The following PLCG2 variants were observed in gnomAD, a reference collection of about 807,000 sequenced individuals.
PLCG2 encodes 1-phosphatidylinositol 4,5-bisphosphate phosphodiesterase gamma-2.
Under a neutral mutation model 175.6 loss-of-function variants are expected in PLCG2, and 69 were observed. The observed-to-expected ratio is 0.39, with a 90% CI of 0.32 to 0.48. PLCG2 has a LOEUF of 0.48. Among genes scored for constraint, PLCG2 ranks in the 20% least tolerant of loss-of-function variants. PLCG2 has a pLI of 0.91. For missense variants in PLCG2, 1,798 were observed against 1,650.9 expected (o/e 1.09, Z -1.54); for synonymous variants, 827 against 624.0 (o/e 1.33, Z -4.85).
intron 10 of PLCG2, 62 bp downstream of exon 10, chr16:81,889,335 G>C: frequency 1.1e-6 from 1 of 883,356 alleles, no homozygotes; most frequent in Non-Finnish European, 1.9e-6. Context: ...TGTGCTTTCT[G>C]AGGTTTATTT....
chr16:81,778,044 A>AAACCAAC (rs1567457783), upstream of PLCG2, among the ~76,000 whole-genome samples: 1 of 83,782 alleles, frequency 1.2e-5, no homozygotes, highest in African/African-American at 5.6e-5. Flanking sequence ...AAAAAAAAAC[A>AAACCAAC]AAAAAAAAAA....
At chr16:81,833,980 C>A (rs1285668547) in intron 2 of PLCG2, among the ~76,000 whole-genome samples, 1 of 152,146 alleles carries the variant, frequency 6.6e-6, no homozygotes, top group East Asian at 1.9e-4. Flanking sequence ...CAGGTTCACC[C>A]CAAGGTTTTC....
chr16:81,958,962 C>T lies in PLCG2; in HGVS notation c.*964C>T, dbSNP rs1160334098. ...TAATGGGCTAAGCATTAGGGTGTTACAGAAAATTTCAAATGCAGCCATCTC... is the reference window on the plus strand; with the variant it reads ...TAATGGGCTAAGCATTAGGGTGTTATAGAAAATTTCAAATGCAGCCATCTC... On this transcript the variant is annotated 3_prime_UTR_variant, in exon 33 of 33. Coordinates refer to ENST00000564138, the MANE Select transcript of PLCG2 (RefSeq NM_002661.5). The T allele has an allele frequency of 4.5e-6, 1 of 223,178 alleles. No homozygotes were observed. The highest frequency in any genetic ancestry group is 5.7e-5 in the Admixed American group (1 of 17,426). The allele number at this position is 223,178 out of a possible 1,614,324, so 13.8% of individuals were successfully genotyped here.
intron 14 of PLCG2, among the ~76,000 whole-genome samples, chr16:81,904,824 G>C (rs1317281875): frequency 6.6e-6 from 1 of 152,226 alleles, no homozygotes. Context: ...AGACAAGTGA[G>C]AGGAATAAAG....
chr16:81,851,574 G>A (rs974484200), intron 2 of PLCG2, among the ~76,000 whole-genome samples: 12 of 152,092 alleles, frequency 7.9e-5, no homozygotes, highest in African/African-American at 2.9e-4. Context: ...GTGCAGTGGC[G>A]TGGTCTCGGC....
chr16:81,936,439 C>G, intron 27 of PLCG2, 61 bp downstream of exon 27: 2 of 1,375,048 alleles, frequency 1.5e-6, no homozygotes, highest in Admixed American at 3.4e-5. Flanking sequence ...CACTCCAGGC[C>G]GAGTCACCTT....
At chr16:81,882,468 G>A (rs982765535) in intron 8 of PLCG2, among the ~76,000 whole-genome samples, 2 of 152,106 alleles carry the variant, frequency 1.3e-5, no homozygotes. Flanking sequence ...TGGCTTCTGA[G>A]GAGGCCCTTG....
intron 7 of PLCG2, among the ~76,000 whole-genome samples, chr16:81,878,052 G>A (rs1296459515): frequency 7.4e-6 from 1 of 135,926 alleles, no homozygotes; most frequent in South Asian, 2.3e-4. Flanking sequence ...CGCCATCTCG[G>A]CTCACTGCAA....
chr16:81,781,491 A>G (rs1179044040), intron 1 of PLCG2, among the ~76,000 whole-genome samples: 20 of 151,654 alleles, frequency 1.3e-4, no homozygotes, highest in Admixed American at 1.2e-3. Context: ...ATCTTTGTGC[A>G]TGTCTTTCTT....
At chr16:81,942,384 G>A (rs1426246842) in intron 30 of PLCG2, among the ~76,000 whole-genome samples, 5 of 152,172 alleles carry the variant, frequency 3.3e-5, no homozygotes, top group Non-Finnish European at 5.9e-5. Context: ...CTCCTCCCCC[G>A]ACTGTGAGAT....
rs1308778556 is a variant in PLCG2 at position 81,908,637 on chromosome 16, A to T, written c.1733+46A>T. The T allele has an allele frequency of 3.3e-6, 5 of 1,523,682 alleles. No individual in the cohort carries two copies. The Admixed American group carries it at 5.5e-5, about 17-fold the overall frequency. 94.4% of individuals were successfully genotyped at this position (1,523,682 alleles called of 1,614,324 possible). ...AACGCCTACCTTCTTCTCCATGCCA[A>T]CCGATGAGGCAGGGTGGCGAGTGGT... On this transcript the variant is annotated intron_variant, in intron 17 of 32. Coordinates refer to ENST00000564138, the MANE Select transcript of PLCG2 (RefSeq NM_002661.5).
At chr16:81,884,584 G>C (rs747842887) in intron 9 of PLCG2, among the ~76,000 whole-genome samples, 12 of 143,780 alleles carry the variant, frequency 8.3e-5, no homozygotes, top group Admixed American at 4.3e-4. Context: ...GTGGGGATCA[G>C]AGTCAATTGT....
At chr16:81,951,579 A>G (rs1273410484) in intron 31 of PLCG2, among the ~76,000 whole-genome samples, 5 of 152,346 alleles carry the variant, frequency 3.3e-5, no homozygotes, top group Middle Eastern at 6.8e-3. Flanking sequence ...TTGAAGCTAT[A>G]CAACTTTCAT....
At chr16:81,855,444 G>A (rs900389165) in intron 3 of PLCG2, among the ~76,000 whole-genome samples, 1 of 152,206 alleles carries the variant, frequency 6.6e-6, no homozygotes, top group African/African-American at 2.4e-5. Context: ...ACCAAAGTGG[G>A]TGAGGCAGCT....
chr16:81,779,473 C>A (rs1308131200), intron 1 of PLCG2, 49 bp downstream of exon 1: 1 of 151,574 alleles, frequency 6.6e-6, no homozygotes, highest in African/African-American at 2.4e-5. Context: ...CAGGGACCTG[C>A]GCCCCGCGGG....
chr16:81,909,683 G>C (rs142833673), intron 17 of PLCG2, among the ~76,000 whole-genome samples: 4 of 152,266 alleles, frequency 2.6e-5, no homozygotes, highest in African/African-American at 9.6e-5. Context: ...TGAAGTGCTA[G>C]GATTACAGCT....
intron 6 of PLCG2, among the ~76,000 whole-genome samples, chr16:81,870,033 T>A (rs964683842): frequency 8.5e-5 from 13 of 152,336 alleles, no homozygotes; most frequent in Admixed American, 7.2e-4. Flanking sequence ...TTCATTTTTG[T>A]ATTAATGAGC....
In PLCG2 at chr16:81,931,590, G is replaced by C; in HGVS notation, c.2675G>C (p.Arg892Thr). The change falls in exon 25 of 33, where the codon AGG becomes ACG. Residue 892 changes from arginine to threonine, a missense_variant. Transcript: ENST00000564138. ...CCTCCGGTGGAGTTTGCCACAGACA[G>C]GGTGGAGGAGCTCTTTGAGTGGTTT... ...GDPPVEFATD[R>T]VEELFEWFQS... 3 of 1,614,112 alleles carry C rather than the reference G, an allele frequency of 1.9e-6. No homozygotes were observed. Among genetic ancestry groups the C allele is most frequent in the Non-Finnish European group, 2.5e-6 (3 of 1,179,990 alleles).
intron 11 of PLCG2, 39 bp downstream of exon 11, chr16:81,891,629 A>C: frequency 8.6e-7 from 1 of 1,161,042 alleles, no homozygotes; most frequent in South Asian, 1.2e-5. Flanking sequence ...TGGGCAGCAC[A>C]GAGCACGTGA....
Sources: gnomAD v4.1 joint callset for allele counts (sites outside exome capture counted in the v4.1 genomes callset) on GRCh38, gnomAD v4.1.1 for gene constraint, MANE v1.5 for transcripts, NCBI Gene and HGNC (gene_info 2026-07-23, HGNC 2026-07-21) for gene names.